SEC31A: variants seen among roughly 807,000 people sequenced by gnomAD.
SEC31A encodes the protein SEC31 homolog A, COPII component, also known as protein transport protein Sec31A.
In SEC31A, 70 loss-of-function variants were observed where a neutral mutation model predicts 151.0. The observed-to-expected ratio is 0.46, with a 90% CI of 0.38 to 0.57. SEC31A has a LOEUF of 0.57. Among genes scored for constraint, SEC31A ranks in the 20% least tolerant of loss-of-function variants. The pLI, the probability that SEC31A is intolerant of heterozygous loss-of-function variation, is 0.00. For missense variants in SEC31A, 1,330 were observed against 1,471.2 expected (o/e 0.90, Z 1.57); for synonymous variants, 475 against 505.9 (o/e 0.94, Z 0.82).
At chr4:82,833,532 TA>T (rs35174989) in intron 22 of SEC31A, among the ~76,000 whole-genome samples, 88,225 of 136,264 alleles carry the variant, frequency 0.65, 28,556 homozygotes, top group Admixed American at 0.75. Flanking sequence ...AGTTAAATTA[TA>T]AAAAAAAAAA....
intron 5 of SEC31A, among the ~76,000 whole-genome samples, chr4:82,875,156 G>A (rs921379071): frequency 1.3e-5 from 2 of 152,174 alleles, no homozygotes; most frequent in Non-Finnish European, 2.9e-5. Flanking sequence ...ATAAATGGTA[G>A]TGCATATGCT....
intron 24 of SEC31A, 26 bp from the exon 25 acceptor site, chr4:82,824,700 T>C (rs1413973737): frequency 1.2e-6 from 2 of 1,608,724 alleles, no homozygotes; most frequent in Non-Finnish European, 1.7e-6. Context: ...CAAAAACTGA[T>C]CAGAAATGAC....
At position 82,864,518 on chromosome 4, in the gene SEC31A, A is replaced by ATGG. The variant is rs770221990; in HGVS notation, c.1275_1277dup (p.His426dup). ...CTGTTACAACCTGACTAATGAACAC[A>ATGG]TGGTGCTGCTGCTGCTGCTGCTCAG... On this transcript the variant is annotated inframe_insertion, in exon 11 of 27. Coordinates refer to ENST00000395310, the MANE Select transcript of SEC31A (RefSeq NM_001077207.4). 8.1e-6 allele frequency: 13 copies of ATGG among 1,614,030 alleles called. No homozygotes were observed. Among genetic ancestry groups the ATGG allele is most frequent in the African/African-American group, 1.3e-5 (1 of 74,928 alleles).
At chr4:82,891,214 C>A, upstream of SEC31A, 1 of 1,518,710 alleles carries the variant, frequency 6.6e-7, no homozygotes, top group Non-Finnish European at 8.8e-7. Context: ...GTGGCAGCCG[C>A]AGCCGCAGCC....
chr4:82,826,472 G>A (rs1724595655), intron 24 of SEC31A, among the ~76,000 whole-genome samples: 1 of 152,190 alleles, frequency 6.6e-6, no homozygotes, highest in Admixed American at 6.5e-5. Flanking sequence ...TCCTGCCTCA[G>A]CCTCCCGAGT....
At chr4:82,832,605 G>C (rs980307779) in intron 22 of SEC31A, among the ~76,000 whole-genome samples, 5 of 152,156 alleles carry the variant, frequency 3.3e-5, no homozygotes, top group African/African-American at 9.7e-5. Flanking sequence ...ACTATCATCA[G>C]AGTGAAAAGG....
At chr4:82,841,718 T>G (rs1401611748) in intron 22 of SEC31A, among the ~76,000 whole-genome samples, 3 of 151,510 alleles carry the variant, frequency 2.0e-5, no homozygotes, top group Admixed American at 2.0e-4. Flanking sequence ...ACACCTGTAA[T>G]CCCAGCACTT....
Position 82,819,079 on chromosome 4 carries a change from C to T in SEC31A, c.3658G>A (p.Val1220Ile). 6.3e-7 allele frequency: 1 copy of T among 1,593,458 alleles called. No individual in the cohort carries two copies. Among genetic ancestry groups the T allele is most frequent in the African/African-American group, 1.4e-5 (1 of 74,054 alleles). ...VVLTQANKLG[V>I] ...GTGGAAGAGAAGCTGTCCTTTTAGA[C>T]ACCCAGCTTATTGGCCTGGGTGAGA... The change falls in exon 27 of 27, where the codon GTC (valine) becomes ATC (isoleucine). Residue 1220 changes from valine to isoleucine, a missense_variant. Physicochemically the swap from Val to Ile is conservative, Grantham distance 29 (BLOSUM62 3). Transcript: ENST00000395310.
rs374269302 is a variant in SEC31A, at chr4:82,875,856, T to G, written c.403-34A>C. The G allele has an allele frequency of 6.8e-6, 8 of 1,180,140 alleles. No individual in the cohort carries two copies. In the African/African-American group the frequency reaches 1.2e-4, roughly 18 times the overall value. 73.1% of individuals were successfully genotyped at this position (1,180,140 alleles called of 1,614,324 possible). On this transcript the variant is annotated intron_variant, in intron 4 of 26. Coordinates refer to ENST00000395310, the MANE Select transcript of SEC31A (RefSeq NM_001077207.4). The stretch of plus-strand genomic sequence containing the variant: ...AGAAACCATAACTAAATAGCACTTA[T>G]GAATAATTAAGAAAATTCAGAATAA...
At chr4:82,896,576 G>A (rs915967511) in intron 3 of SEC31A, among the ~76,000 whole-genome samples, 16 of 152,046 alleles carry the variant, frequency 1.1e-4, no homozygotes, top group African/African-American at 3.6e-4. Flanking sequence ...TGGGCAACAC[G>A]GCAAAACCCC....
intron 25 of SEC31A, 98 bp from the exon 26 acceptor site, chr4:82,821,206 G>A (rs1723234012): frequency 1.1e-6 from 1 of 878,744 alleles, no homozygotes; most frequent in Admixed American, 2.0e-5. Flanking sequence ...TTAAAATGTT[G>A]AATGGCTTCA....
chr4:82,854,902 C>T lies in SEC31A; in HGVS notation c.2008+1G>A. On this transcript the variant is annotated splice_donor_variant, in intron 17 of 26. Coordinates refer to ENST00000395310, the MANE Select transcript of SEC31A (RefSeq NM_001077207.4). LOFTEE classifies it high-confidence loss of function. Reference sequence around the variant, plus strand: ...AGTTAAATATAAAGCACATCTCTTACCACAAAGGGCTGAAAATTCATCCGG... The same window carrying T: ...AGTTAAATATAAAGCACATCTCTTATCACAAAGGGCTGAAAATTCATCCGG... The T allele has an allele frequency of 6.2e-7, 1 of 1,611,504 alleles. No homozygotes were observed. The highest frequency in any genetic ancestry group is 8.5e-7 in the Non-Finnish European group (1 of 1,179,122).
At position 82,842,240 on chromosome 4, in the gene SEC31A, G is replaced by A. The variant is rs113126252; in HGVS notation, c.2868C>T (p.Gly956=). ...PPSSGASFQH[G]GPGAPPSSSA... ...AAGATGATGGTGGAGCTCCTGGTCC[G>A]CCATGCTGGAAGGATGCTCCAGAGG... Residue 956 remains glycine (G), a synonymous_variant, in exon 22 of 27, where the codon GGC becomes GGT. Transcript: ENST00000395310. The A allele has an allele frequency of 5.2e-3, 8,457 of 1,613,682 alleles. 87 individuals carry two copies. Among genetic ancestry groups the A allele is most frequent in the Middle Eastern group, 5.4e-3 (33 of 6,058 alleles).
intron 14 of SEC31A, 171 bp from the exon 15 acceptor site, chr4:82,857,935 A>G (rs1733050829): frequency 2.1e-6 from 1 of 481,690 alleles, no homozygotes; most frequent in African/African-American, 2.0e-5. Flanking sequence ...TTCCCTAAAT[A>G]TTACCTCCCA....
intron 22 of SEC31A, among the ~76,000 whole-genome samples, chr4:82,841,442 T>TATATATATATATA (rs1728733052): frequency 1.7e-4 from 11 of 64,450 alleles, no homozygotes; most frequent in Admixed American, 2.6e-4. Context: ...AAAAAAAATT[T>TATATATATATATA]TATATATATA....
chr4:82,893,665 A>C (rs1433664205), upstream of SEC31A: 2 of 152,278 alleles, frequency 1.3e-5, no homozygotes, highest in Admixed American at 6.5e-5. Flanking sequence ...TTAAGTCAAC[A>C]TGAGTAGTCA....
chr4:82,882,572 T>C (rs1156328088), intron 1 of SEC31A, among the ~76,000 whole-genome samples: 1 of 152,152 alleles, frequency 6.6e-6, no homozygotes, highest in South Asian at 2.1e-4. Context: ...GCTACACATG[T>C]GTTTATCCAA....
upstream of SEC31A, chr4:82,894,111 A>G (rs1034297023): frequency 2.0e-5 from 3 of 152,210 alleles, no homozygotes; most frequent in South Asian, 2.1e-4. Context: ...AGCTTTGGCT[A>G]AGTTTCTCAA....
At position 82,848,987 on chromosome 4, in the gene SEC31A, A is replaced by G. The variant is rs1270002903; in HGVS notation, c.2329-10T>C. On this transcript the variant is annotated splice_polypyrimidine_tract_variant and intron_variant, in intron 19 of 26. Coordinates refer to ENST00000395310, the MANE Select transcript of SEC31A (RefSeq NM_001077207.4). Reference sequence around the variant, plus strand: ...GCTGCATGATATTTGGCTAAAAAGGATTGGAAAAACAGCAGACTGTTGAGA... The same window carrying G: ...GCTGCATGATATTTGGCTAAAAAGGGTTGGAAAAACAGCAGACTGTTGAGA... 8.1e-6 allele frequency: 13 copies of G among 1,610,740 alleles called. No individual in the cohort carries two copies. Among genetic ancestry groups the G allele is most frequent in the Non-Finnish European group, 1.1e-5 (13 of 1,178,724 alleles).
Sources: allele counts gnomAD v4.1 joint callset (sites outside exome capture counted in the v4.1 genomes callset), GRCh38; gene constraint gnomAD v4.1.1; transcripts MANE v1.5; gene names NCBI Gene and HGNC (gene_info 2026-07-23, HGNC 2026-07-21).